Variants in HEATR6 observed in about 807,000 individuals in gnomAD.
HEATR6 encodes the protein HEAT repeat containing 6.
Under a neutral mutation model 132.8 loss-of-function variants are expected in HEATR6, and 106 were observed. The ratio of observed to expected loss-of-function variants is 0.80; its 90% CI spans 0.68 to 0.94. The LOEUF is 0.94. HEATR6 is among the 40% of genes least tolerant of loss of function. The pLI is 0.00. For synonymous variants in HEATR6, 529 were observed against 537.8 expected, an observed-to-expected ratio of 0.98 and a Z score of 0.23; for missense variants, 1,339 against 1,425.1, an observed-to-expected ratio of 0.94 and a Z score of 0.97.
intron 19 of HEATR6, among the ~76,000 whole-genome samples, chr17:60,045,425 C>CA (rs1906334766): frequency 6.6e-6 from 1 of 152,230 alleles, no homozygotes. Context: ...CCGATCCATA[C>CA]ACCTAAGCAG....
At chr17:60,077,025 G>A (rs1301800702) in intron 1 of HEATR6, among the ~76,000 whole-genome samples, 1 of 151,776 alleles carries the variant, frequency 6.6e-6, no homozygotes, top group East Asian at 1.9e-4. Flanking sequence ...ACAAGGTTCT[G>A]AGCACCTACT....
rs1906205825 is a variant in HEATR6 at position 60,042,488 on chromosome 17, C to A, written c.*1075G>T. Reference sequence around the variant, plus strand: ...CCTCGCGTCCTGTGCGGCTGTGAGGCACTGTCAGCATCCTCGCGTCCTGTG... The same window carrying A: ...CCTCGCGTCCTGTGCGGCTGTGAGGAACTGTCAGCATCCTCGCGTCCTGTG... On this transcript the variant is annotated 3_prime_UTR_variant, in exon 20 of 20. Coordinates refer to ENST00000184956, the MANE Select transcript of HEATR6 (RefSeq NM_022070.5). Among the ~76,000 whole-genome samples the A allele has an allele frequency of 1.2e-4, 3 of 24,488 alleles. No individual in the cohort carries two copies. The African/African-American group carries it at 2.2e-3, about 18-fold the overall frequency. 16.1% of individuals were successfully genotyped at this position (24,488 alleles called of 152,430 possible).
chr17:60,051,506 T>C (rs1328973503), intron 14 of HEATR6, among the ~76,000 whole-genome samples: 1 of 152,208 alleles, frequency 6.6e-6, no homozygotes. Flanking sequence ...TTGCAGAGTC[T>C]GTGTGATAAT....
intron 13 of HEATR6, 45 bp downstream of exon 13, chr17:60,056,070 A>G (rs2145187873): frequency 6.2e-7 from 1 of 1,602,066 alleles, no homozygotes; most frequent in Non-Finnish European, 8.5e-7. Flanking sequence ...GGAAGGATAT[A>G]AAGTGAAGAG....
At chr17:60,060,117 A>G (rs1906884643) in intron 9 of HEATR6, 21 bp from the exon 10 acceptor site, 1 of 1,571,956 alleles carries the variant, frequency 6.4e-7, no homozygotes, top group Non-Finnish European at 8.8e-7. Flanking sequence ...GGGATGATTC[A>G]CATTGATTAG....
At chr17:60,075,591 C>T (rs1334342837) in intron 2 of HEATR6, 3 of 151,994 alleles carry the variant, frequency 2.0e-5, no homozygotes, top group Non-Finnish European at 4.4e-5. Flanking sequence ...AAAATGGTAG[C>T]TTCAGGAAAG....
intron 1 of HEATR6, among the ~76,000 whole-genome samples, chr17:60,078,007 C>T (rs1402067393): frequency 1.3e-5 from 2 of 152,020 alleles, no homozygotes; most frequent in African/African-American, 2.4e-5. Context: ...GGACTGGGGA[C>T]GGGAATGCGT....
At chr17:60,055,444 T>C in intron 14 of HEATR6, 71 bp downstream of exon 14, 1 of 986,664 alleles carries the variant, frequency 1.0e-6, no homozygotes. Context: ...ACTCCATTTA[T>C]CACTGAGCTT....
At position 60,055,559 on chromosome 17, in the gene HEATR6, G is replaced by C. The variant is rs1471047462; in HGVS notation, c.2245C>G (p.Pro749Ala). ...LGTGLIQQYK[P>A]DSTAAPDQRA... ...TGATCAGGTGCTGCAGTGGAGTCTG[G>C]TTTATACTGCTGTATTAAGCCTGTG... is the stretch of plus-strand genomic sequence containing the variant. Residue 749 changes from proline to alanine, a missense_variant, in exon 14 of 20, where the codon CCA becomes GCA. Transcript: ENST00000184956. 1 of 1,613,460 alleles carries C rather than the reference G, an allele frequency of 6.2e-7. No individual in the cohort carries two copies. The highest frequency in any genetic ancestry group is 1.1e-5 in the South Asian group (1 of 91,010).
intron 5 of HEATR6, among the ~76,000 whole-genome samples, chr17:60,071,789 G>C (rs905352168): frequency 1.3e-5 from 2 of 152,180 alleles, no homozygotes; most frequent in Non-Finnish European, 2.9e-5. Context: ...CAGGAGACTA[G>C]AAGGAACTTT....
intron 11 of HEATR6, 121 bp from the exon 12 acceptor site, chr17:60,057,524 C>G: frequency 1.6e-6 from 1 of 635,792 alleles, no homozygotes; most frequent in Non-Finnish European, 2.7e-6. Flanking sequence ...AATCAAACTT[C>G]TAGACCTCAT....
At chr17:60,072,458 T>C in intron 4 of HEATR6, 129 bp from the exon 5 acceptor site, 1 of 462,842 alleles carries the variant, frequency 2.2e-6, no homozygotes, top group East Asian at 3.3e-5. Flanking sequence ...AACTATGCTA[T>C]GGAAAATTAT....
At chr17:60,067,133 A>G (rs890119860) in intron 8 of HEATR6, among the ~76,000 whole-genome samples, 1 of 150,900 alleles carries the variant, frequency 6.6e-6, no homozygotes, top group East Asian at 2.0e-4. Context: ...AGCCGGGCGT[A>G]GTGGCGGGCG....
intron 9 of HEATR6, among the ~76,000 whole-genome samples, chr17:60,061,056 A>C (rs1316811285): frequency 1.3e-5 from 2 of 152,194 alleles, no homozygotes; most frequent in Non-Finnish European, 2.9e-5. Flanking sequence ...TAAGCATAGG[A>C]CTATTAATAC....
chr17:60,074,745 C>T (rs1236464176), intron 2 of HEATR6, among the ~76,000 whole-genome samples: 1 of 152,182 alleles, frequency 6.6e-6, no homozygotes, highest in Non-Finnish European at 1.5e-5. Flanking sequence ...TTTGGCAATG[C>T]CTGTATACAT....
Position 60,057,333 on chromosome 17 carries a change from T to C in HEATR6, c.1794A>G (p.Glu598=). Residue 598 remains glutamate (E), a synonymous_variant, in exon 12 of 20, where the codon GAA becomes GAG. Transcript: ENST00000184956. ...AIVSTHAPLP[E]VQLLLQQPCS... The stretch of plus-strand genomic sequence containing the variant: ...ATGGCTGTTGCAGAAGTAGTTGGAC[T>C]TCAGGTAAAGGTGCGTGGGTGGACA... The C allele has an allele frequency of 6.2e-7, 1 of 1,614,134 alleles. No individual in the cohort carries two copies. The highest frequency in any genetic ancestry group is 8.5e-7 in the Non-Finnish European group (1 of 1,180,010).
intron 9 of HEATR6, chr17:60,064,786 A>C (rs919140748): frequency 6.6e-6 from 1 of 152,238 alleles, no homozygotes; most frequent in African/African-American, 2.4e-5. Flanking sequence ...TTCTCATGGC[A>C]CTTTAAGTGA....
chr17:60,059,609 G>A, intron 10 of HEATR6, 88 bp from the exon 11 acceptor site: 2 of 878,290 alleles, frequency 2.3e-6, no homozygotes, highest in Non-Finnish European at 3.6e-6. Context: ...AAAAAGAAAA[G>A]TTTTCACACA....
rs1032043865 is a variant in HEATR6 at position 60,046,628 on chromosome 17, T to A, written c.2770-399A>T. On this transcript the variant is annotated intron_variant, in intron 18 of 19. Transcript: ENST00000184956. Reference sequence around the variant, plus strand: ...AACCTCTGCAGCCCATCAGAATCATTTGGGGAGGTTTCTCCTTTTGTTTTA... The same window carrying A: ...AACCTCTGCAGCCCATCAGAATCATATGGGGAGGTTTCTCCTTTTGTTTTA... Among the ~76,000 whole-genome samples the A allele has an allele frequency of 2.0e-5, 3 of 152,162 alleles. No individual in the cohort carries two copies. The East Asian group carries it at 5.8e-4, about 29-fold the overall frequency.
Sources: gnomAD v4.1 joint callset for allele counts (sites outside exome capture counted in the v4.1 genomes callset) on GRCh38, gnomAD v4.1.1 for gene constraint, MANE v1.5 for transcripts, NCBI Gene and HGNC (gene_info 2026-07-23, HGNC 2026-07-21) for gene names.